PRRT3: variants seen among roughly 807,000 people sequenced by gnomAD.
PRRT3 encodes proline-rich transmembrane protein 3.
A neutral mutation model predicts 56.6 loss-of-function variants in PRRT3; 48 were observed. The observed-to-expected ratio is 0.85, with a 90% CI of 0.67 to 1.08. The LOEUF (loss-of-function observed/expected upper bound fraction) is 1.08. Ranked by LOEUF, PRRT3 falls within the 50% of genes least tolerant of loss-of-function variation. PRRT3 has a pLI of 0.00. For missense variants in PRRT3, 1,370 were observed against 1,353.1 expected, an observed-to-expected ratio of 1.01 and a Z score of -0.20; for synonymous variants, 641 against 619.1, an observed-to-expected ratio of 1.04 and a Z score of -0.52.
At chr3:9,948,501 A>G (rs899640346) in intron 3 of PRRT3, 3 of 511,738 alleles carry the variant, frequency 5.9e-6, no homozygotes, top group Non-Finnish European at 6.8e-6. Context: ...TAATTTTTAT[A>G]TATTTTTTTT....
In PRRT3 at chr3:9,946,772, C is replaced by G. The variant is rs746324649; in HGVS notation, c.2401G>C (p.Glu801Gln). The G allele has an allele frequency of 6.5e-7, 1 of 1,543,650 alleles. No homozygotes were observed. Among genetic ancestry groups the G allele is most frequent in the Non-Finnish European group, 8.7e-7 (1 of 1,153,548 alleles). Residue 801 changes from glutamate (E) to glutamine (Q), a missense_variant, in exon 4 of 4, where the codon GAG becomes CAG. Coordinates refer to ENST00000412055, the MANE Select transcript of PRRT3 (RefSeq NM_207351.5). This position sits in a 1 kb window ranked among gnomAD's most constrained non-coding sequence, Gnocchi z 4.1. ...NGVGPAPSLS[E>Q]LDLRPPSPIN... ...GGCGATGGCGGCCGCAGATCCAGCT[C>G]GCTCAGCGATGGCGCCGGTCCCACA...
Position 9,947,629 on chromosome 3 carries a change from G to A in PRRT3, c.1544C>T (p.Ala515Val), listed in dbSNP as rs554534882. ...GGTAAGCATGTAGGCGGATCGCAGCGCCGAAGCCACGAGCACCAGCACCGC... is the reference window on the plus strand; with the variant it reads ...GGTAAGCATGTAGGCGGATCGCAGCACCGAAGCCACGAGCACCAGCACCGC... The part of the protein sequence containing the change: ...VAAVLVLVAS[A>V]LRSAYMLTDP... The change falls in exon 4 of 4, where the codon GCG (alanine) becomes GTG (valine). Residue 515 changes from alanine (A) to valine (V), a missense_variant. Physicochemically the swap from Ala to Val is moderately conservative, Grantham distance 64. Transcript: ENST00000412055. This position sits in a 1 kb window ranked among gnomAD's most constrained non-coding sequence, Gnocchi z 9.2. 2.5e-6 allele frequency: 4 copies of A among 1,580,026 alleles called. No individual in the cohort carries two copies. The South Asian group carries it at 3.5e-5, about 14-fold the overall frequency.
chr3:9,949,185 C>T lies in PRRT3; in HGVS notation c.931G>A (p.Asp311Asn), dbSNP rs746517759. The change falls in exon 2 of 4, where the codon GAC becomes AAC. Residue 311 changes from aspartate to asparagine, a missense_variant. Asp to Asn is a conservative substitution (Grantham distance 23). Transcript: ENST00000412055. This position sits in a 1 kb window ranked among gnomAD's most constrained non-coding sequence, Gnocchi z 4.5. ...GGTGAATCCTTAGCGTCAGGAAGGT[C>T]AGCCTGCTTGGGCGGGGGACCTGGG... The part of the protein sequence containing the change: ...SSPGPPPKQA[D>N]LPDAKDSPGP... 1.2e-6 allele frequency: 2 copies of T among 1,612,054 alleles called. No homozygotes were observed. The highest frequency in any genetic ancestry group is 1.1e-5 in the South Asian group (1 of 90,860).
rs2085599519 is a variant in PRRT3, at chr3:9,950,037, C to T, written c.79G>A (p.Gly27Arg). 6.6e-7 allele frequency: 1 copy of T among 1,523,128 alleles called. No homozygotes were observed. Among genetic ancestry groups the T allele is most frequent in the South Asian group, 1.3e-5 (1 of 74,338 alleles). The allele number at this position is 1,523,128 out of a possible 1,614,324, so 94.4% of individuals were successfully genotyped here. A position where few individuals can be genotyped will look rare whatever the true frequency, so the allele number is the denominator to read the frequency against. The change falls in exon 2 of 4, where the codon GGG becomes AGG. Residue 27 changes from glycine (G) to arginine (R), a missense_variant. Transcript: ENST00000412055. ...TCAAGTGGCCTGGGAAAGCCCCTCC[C>T]CAGGGCAGGGCCAGTCCCCAGGAGT... Reference protein sequence around the residue: ...LPLLGTGPALGRGFPRPLENS... With the variant: ...LPLLGTGPALRRGFPRPLENS...
In PRRT3 at chr3:9,948,888, G is replaced by A. The variant is rs758603138; in HGVS notation, c.1041C>T (p.Asp347=). ...CTCTCACCCGCTGGGGGGAGATGGG[G>A]TCTGCTCCATTCATTGCTGCTCTCT... ...KPERAAMNGA[D]PISPQRVRGA... Residue 347 remains aspartate (D), a synonymous_variant, in exon 3 of 4, where the codon GAC becomes GAT. Coordinates refer to ENST00000412055, the MANE Select transcript of PRRT3 (RefSeq NM_207351.5). The A allele has an allele frequency of 6.9e-6, 11 of 1,598,354 alleles. No individual in the cohort carries two copies. Among genetic ancestry groups the A allele is most frequent in the Non-Finnish European group, 9.4e-6 (11 of 1,172,310 alleles).
At position 9,947,332 on chromosome 3, in the gene PRRT3, A is replaced by C; in HGVS notation, c.1841T>G (p.Leu614Arg). ...GCGACGGCACAGGCAGAGCGTGCCC[A>C]GAGCCACGGCCGCGCCCCAGGCGCA... The part of the protein sequence containing the change: ...LSCAWGAAVA[L>R]GTLCLCRRRL... Residue 614 changes from leucine to arginine, a missense_variant, in exon 4 of 4, where the codon CTG becomes CGG. Leu to Arg is a moderately radical substitution (Grantham distance 102). Coordinates refer to ENST00000412055, the MANE Select transcript of PRRT3 (RefSeq NM_207351.5). The surrounding 1 kb of genome is among the most constrained non-coding windows in gnomAD (Gnocchi z 9.2). 6.2e-7 allele frequency: 1 copy of C among 1,606,912 alleles called. No individual in the cohort carries two copies. Among genetic ancestry groups the C allele is most frequent in the Non-Finnish European group, 8.5e-7 (1 of 1,178,124 alleles).
chr3:9,952,177 T>G (rs1312243118), intron 1 of PRRT3, 145 bp downstream of exon 1: 1 of 154,322 alleles, frequency 6.5e-6, no homozygotes, highest in Non-Finnish European at 1.4e-5. Flanking sequence ...CCGTCTCCTC[T>G]CTCCCTGGCT....
rs571686475 is a variant in PRRT3 at position 9,948,764 on chromosome 3, G to T, written c.1165C>A (p.Gln389Lys). The stretch of plus-strand genomic sequence containing the variant: ...ACCCCAGCCATGCTCTCACCTGGCT[G>T]CAGGGCCCCCATGGGGCTCTCTGTT... The part of the protein sequence containing the change: ...NRTESPMGAL[Q>K]PDEAEEWPGR... The change falls in exon 3 of 4, where the codon CAG becomes AAG. Residue 389 changes from glutamine (Q) to lysine (K), a missense_variant. Gln to Lys is a moderately conservative substitution (Grantham distance 53). Transcript: ENST00000412055. The T allele has an allele frequency of 3.7e-6, 6 of 1,613,944 alleles. No homozygotes were observed. In the South Asian group the frequency reaches 6.6e-5, roughly 18 times the overall value.
At position 9,946,513 on chromosome 3, in the gene PRRT3, T is replaced by C; in HGVS notation, c.2660A>G (p.His887Arg). 6.6e-7 allele frequency: 1 copy of C among 1,521,572 alleles called. No individual in the cohort carries two copies. Among genetic ancestry groups the C allele is most frequent in the Non-Finnish European group, 8.8e-7 (1 of 1,133,068 alleles). 94.3% of individuals were successfully genotyped at this position (1,521,572 alleles called of 1,614,324 possible). ...DVRVRGPVPQ[H>R]VVEAPDGAAA... is the part of the protein sequence containing the mutation. ...TGCCCCGTCGGGTGCTTCCACTACG[T>C]GCTGTGGGACCGGCCCGCGCACGCG... Residue 887 changes from histidine (H) to arginine (R), a missense_variant, in exon 4 of 4, where the codon CAC (histidine) becomes CGC (arginine). His to Arg is a conservative substitution (Grantham distance 29). Transcript: ENST00000412055. This position sits in a 1 kb window ranked among gnomAD's most constrained non-coding sequence, Gnocchi z 4.1.
chr3:9,951,649 C>T (rs768977425), intron 1 of PRRT3, among the ~76,000 whole-genome samples: 4 of 152,150 alleles, frequency 2.6e-5, no homozygotes, highest in African/African-American at 4.8e-5. Flanking sequence ...CTGAGACGCC[C>T]CTAACACAGG....
At position 9,946,849 on chromosome 3, in the gene PRRT3, G is replaced by C; in HGVS notation, c.2324C>G (p.Ala775Gly). The change falls in exon 4 of 4, where the codon GCT (alanine) becomes GGT (glycine). Residue 775 changes from alanine to glycine, a missense_variant. Coordinates refer to ENST00000412055, the MANE Select transcript of PRRT3 (RefSeq NM_207351.5). This position sits in a 1 kb window ranked among gnomAD's most constrained non-coding sequence, Gnocchi z 4.1. Reference sequence around the variant, plus strand: ...CTGGGGTCCGCGACCCAACGACGCAGCCGAGCCCCAGGCGCCTGAACTGGG... The same window carrying C: ...CTGGGGTCCGCGACCCAACGACGCACCCGAGCCCCAGGCGCCTGAACTGGG... Reference protein sequence around the residue: ...ATPSSGAWGSAASLGRGPQGG... With the variant: ...ATPSSGAWGSGASLGRGPQGG... 1.3e-6 allele frequency: 2 copies of C among 1,539,506 alleles called. No homozygotes were observed. Among genetic ancestry groups the C allele is most frequent in the East Asian group, 2.4e-5 (1 of 41,404 alleles).
rs1419046599 is a variant in PRRT3, at chr3:9,947,133, G to A, written c.2040C>T (p.Phe680=). ...RFSWAWWGVH[F]WLRLLELTWA... ...ATGTCAGCTCCAGGAGGCGCAGCCA[G>A]AAGTGGACACCCCACCAGGCCCACG... The change falls in exon 4 of 4, where the codon TTC becomes TTT. Residue 680 remains phenylalanine, a synonymous_variant. Coordinates refer to ENST00000412055, the MANE Select transcript of PRRT3 (RefSeq NM_207351.5). This position sits in a 1 kb window ranked among gnomAD's most constrained non-coding sequence, Gnocchi z 9.2. 1.3e-6 allele frequency: 2 copies of A among 1,538,786 alleles called. No individual in the cohort carries two copies. The highest frequency in any genetic ancestry group is 1.7e-6 in the Non-Finnish European group (2 of 1,148,030).
Position 9,947,014 on chromosome 3 carries a change from C to T in PRRT3, c.2159G>A (p.Cys720Tyr). The T allele has an allele frequency of 6.5e-7, 1 of 1,541,254 alleles. No individual in the cohort carries two copies. The change falls in exon 4 of 4, where the codon TGC (cysteine) becomes TAC (tyrosine). Residue 720 changes from cysteine to tyrosine, a missense_variant. By Grantham distance (194) the Cys-to-Tyr change is radical. Transcript: ENST00000412055. This position sits in a 1 kb window ranked among gnomAD's most constrained non-coding sequence, Gnocchi z 9.2. ...ACWAKLMRLA[C>Y]PAPSGKSEVP... is the part of the protein sequence containing the mutation. ...CTCGCTCTTTCCTGACGGCGCCGGG[C>T]ACGCCAGACGCATCAGCTTAGCCCA... is the stretch of plus-strand genomic sequence containing the variant.
chr3:9,948,941 A>C (rs1027118755), intron 2 of PRRT3, 28 bp from the exon 3 acceptor site: 3 of 1,543,770 alleles, frequency 1.9e-6, no homozygotes, highest in Non-Finnish European at 2.6e-6. Context: ...TCATCACCTT[A>C]CCTGACCCTC....
In PRRT3 at chr3:9,946,537, CGCACGT is replaced by C; in HGVS notation, c.2630_2635del (p.Asp877_Arg879delinsGly). 1.4e-6 allele frequency: 2 copies of C among 1,461,632 alleles called. No homozygotes were observed. Among genetic ancestry groups the C allele is most frequent in the Non-Finnish European group, 9.1e-7 (1 of 1,104,206 alleles). The allele number at this position is 1,461,632 out of a possible 1,614,324, so 90.5% of individuals were successfully genotyped here. A position where few individuals can be genotyped will look rare whatever the true frequency, so the allele number is the denominator to read the frequency against. On this transcript the variant is annotated inframe_deletion, in exon 4 of 4. Transcript: ENST00000412055. This position sits in a 1 kb window ranked among gnomAD's most constrained non-coding sequence, Gnocchi z 4.1. ...GTGCTGTGGGACCGGCCCGCGCACG[CGCACGT>C]CGCTGAGCGACCTGCAGCGGCCGCG...
chr3:9,947,889 C>A lies in PRRT3; in HGVS notation c.1284G>T (p.Leu428=). The A allele has an allele frequency of 1.4e-6, 2 of 1,427,764 alleles. No homozygotes were observed. The highest frequency in any genetic ancestry group is 1.8e-6 in the Non-Finnish European group (2 of 1,092,322). The allele number at this position is 1,427,764 out of a possible 1,614,324, so 88.4% of individuals were successfully genotyped here. Residue 428 remains leucine (L), a synonymous_variant, in exon 4 of 4, where the codon CTG becomes CTT. Transcript: ENST00000412055. The surrounding 1 kb of genome is among the most constrained non-coding windows in gnomAD (Gnocchi z 9.2). ...TGGGCTCCGGAGGGGGAGGCTGGCC[C>A]AGGGCTCGCTGCGTGGTGACTCGAA... ...GLIRVTTQRA[L]GQPPPPEPTA...
intron 3 of PRRT3, chr3:9,948,547 C>T (rs748986736): frequency 3.5e-4 from 212 of 605,934 alleles, no homozygotes; most frequent in Non-Finnish European, 3.9e-4. Flanking sequence ...TTAGAACATT[C>T]TAGCCCCAAA....
Position 9,948,106 on chromosome 3 carries a change from C to A in PRRT3, c.1172-105G>T, listed in dbSNP as rs1050839773. ...CATTTAACTTTTCCAAACAAATCTG[C>A]AAAATGGAGATAACAGCACCTGCCT... is the stretch of plus-strand genomic sequence containing the variant. On this transcript the variant is annotated intron_variant, in intron 3 of 3. Coordinates refer to ENST00000412055, the MANE Select transcript of PRRT3 (RefSeq NM_207351.5). 39 of 1,219,294 alleles carry A rather than the reference C, an allele frequency of 3.2e-5. No individual in the cohort carries two copies. In the African/African-American group the frequency reaches 5.3e-4, roughly 17 times the overall value. The allele number at this position is 1,219,294 out of a possible 1,614,324, so 75.5% of individuals were successfully genotyped here. A position where few individuals can be genotyped will look rare whatever the true frequency, so the allele number is the denominator to read the frequency against.
rs762073887 is a variant in PRRT3, at chr3:9,949,437, C to T, written c.679G>A (p.Gly227Ser). 3 of 1,614,116 alleles carry T rather than the reference C, an allele frequency of 1.9e-6. No homozygotes were observed. The East Asian group carries it at 6.7e-5, about 36-fold the overall frequency. ...TVKRPVLEGQGGFEEHLQEAA... is the reference protein window; with the variant it reads ...TVKRPVLEGQSGFEEHLQEAA... Reference sequence around the variant, plus strand: ...TCCTGCAAGTGTTCCTCAAACCCACCCTGTCCTTCCAGCACTGGCCTCTTG... The same window carrying T: ...TCCTGCAAGTGTTCCTCAAACCCACTCTGTCCTTCCAGCACTGGCCTCTTG... The change falls in exon 2 of 4, where the codon GGT (glycine) becomes AGT (serine). Residue 227 changes from glycine to serine, a missense_variant. By Grantham distance (56) the Gly-to-Ser change is moderately conservative. Coordinates refer to ENST00000412055, the MANE Select transcript of PRRT3 (RefSeq NM_207351.5). This position sits in a 1 kb window ranked among gnomAD's most constrained non-coding sequence, Gnocchi z 4.5.
Sources: gnomAD v4.1 joint callset for allele counts (sites outside exome capture counted in the v4.1 genomes callset) on GRCh38, gnomAD v4.1.1 for gene constraint, Gnocchi (gnomAD v3.1) non-coding constraint, MANE v1.5 for transcripts, NCBI Gene and HGNC (gene_info 2026-07-23, HGNC 2026-07-21) for gene names.